Variants in CACNA1C observed in about 807,000 individuals in gnomAD.
The protein encoded by CACNA1C is calcium voltage-gated channel subunit alpha1 C.
A neutral mutation model predicts 229.0 loss-of-function variants in CACNA1C; 30 were observed. That is an observed-to-expected ratio of 0.13 (90% CI 0.10 to 0.18). CACNA1C has a LOEUF of 0.18. CACNA1C is among the 10% of genes least tolerant of loss of function. The probability of loss-of-function intolerance (pLI) is 1.00; values close to 1 mark genes in which losing one functional copy is unlikely to be tolerated. For synonymous variants in CACNA1C, 1,114 were observed against 1,132.5 expected, an observed-to-expected ratio of 0.98 and a Z score of 0.33; for missense variants, 1,658 against 2,845.0, an observed-to-expected ratio of 0.58 and a Z score of 9.49.
intron 3 of CACNA1C, among the ~76,000 whole-genome samples, chr12:2,320,365 T>G (rs1223020678): frequency 6.6e-6 from 1 of 152,252 alleles, no homozygotes; most frequent in Non-Finnish European, 1.5e-5. Flanking sequence ...TGTATGCATA[T>G]TTTAGCAAAA....
At chr12:2,474,484 G>A (rs2099611233) in intron 5 of CACNA1C, among the ~76,000 whole-genome samples, 1 of 152,222 alleles carries the variant, frequency 6.6e-6, no homozygotes. Context: ...GCCAGGCGCA[G>A]TAGCTCACGC....
At chr12:2,234,232 G>A (rs2066444210) in intron 3 of CACNA1C, among the ~76,000 whole-genome samples, 1 of 152,110 alleles carries the variant, frequency 6.6e-6, no homozygotes, top group Admixed American at 6.6e-5. Flanking sequence ...TGCTGAGGCT[G>A]GTTCTCTGTT....
At chr12:2,457,442 C>T (rs1400493126) in intron 4 of CACNA1C, 125 bp from the exon 5 acceptor site, 10 of 971,694 alleles carry the variant, frequency 1.0e-5, no homozygotes, top group African/African-American at 9.9e-5. Context: ...ACACCCACAA[C>T]GCCCGCCCCT....
In CACNA1C at chr12:2,302,350, C is replaced by T. The variant is rs550876814; in HGVS notation, c.478-146626C>T. Among the ~76,000 whole-genome samples, 12 of 151,872 alleles carry T rather than the reference C, an allele frequency of 7.9e-5. No homozygotes were observed. The South Asian group carries it at 1.3e-3, about 16-fold the overall frequency. On this transcript the variant is annotated intron_variant, in intron 3 of 46. Coordinates refer to ENST00000399655, the MANE Select transcript of CACNA1C (RefSeq NM_000719.7). ...GCTGTGCCCCCTGCCACCCCCGCCG[C>T]CTCTGCTTGCTAGTGCCAGGCTGCC...
At chr12:2,540,283 G>A (rs1003599845) in intron 9 of CACNA1C, among the ~76,000 whole-genome samples, 1 of 152,054 alleles carries the variant, frequency 6.6e-6, no homozygotes, top group Admixed American at 6.5e-5. Flanking sequence ...ATGATGATAT[G>A]AAGTGTTATT....
chr12:2,630,697 C>G lies in CACNA1C; in HGVS notation c.3829-3600C>G, dbSNP rs2089985391. ...TTGTGCCCAGACATGTACCCTCACC[C>G]ACTGCATTCCAGCTCTGTGGAAATC... On this transcript the variant is annotated intron_variant, in intron 29 of 46. Transcript: ENST00000399655. The surrounding 1 kb of genome is among the most constrained non-coding windows in gnomAD (Gnocchi z 5.4). Among the ~76,000 whole-genome samples, 5 of 152,228 alleles carry G rather than the reference C, an allele frequency of 3.3e-5. No homozygotes were observed.
intron 31 of CACNA1C, among the ~76,000 whole-genome samples, chr12:2,650,835 G>A (rs1603338087): frequency 6.6e-6 from 1 of 152,232 alleles, no homozygotes; most frequent in South Asian, 2.1e-4. Flanking sequence ...ATCTGCAGAA[G>A]CCTCACTTGC....
intron 3 of CACNA1C, among the ~76,000 whole-genome samples, chr12:2,219,987 T>C (rs1419821808): frequency 6.6e-6 from 1 of 152,192 alleles, no homozygotes; most frequent in Non-Finnish European, 1.5e-5. Flanking sequence ...GAACCCAAGC[T>C]GCTTTCCATG....
At chr12:2,545,404 G>C (rs772341151) in intron 9 of CACNA1C, among the ~76,000 whole-genome samples, 21 of 151,978 alleles carry the variant, frequency 1.4e-4, no homozygotes, top group Non-Finnish European at 1.8e-4. Flanking sequence ...CCCATGGCCT[G>C]CCATTATGCT....
In CACNA1C at chr12:2,182,131, CAAAA is replaced by C. The variant is rs56365126; in HGVS notation, c.477+61722_477+61725del. ...GAGATTGTGTGTGAGTTTCTGTCTG[CAAAA>C]AAAAAAAAAAAAAAAAAAAATGACG... On this transcript the variant is annotated intron_variant, in intron 3 of 46. Transcript: ENST00000399655. Among the ~76,000 whole-genome samples the C allele has an allele frequency of 9.7e-4, 84 of 86,680 alleles. No homozygotes were observed. In the South Asian group the frequency reaches 0.015, roughly 16 times the overall value. The allele number at this position is 86,680 out of a possible 152,430, so 56.9% of individuals were successfully genotyped here.
At chr12:2,505,283 A>G (rs1216521671) in intron 8 of CACNA1C, among the ~76,000 whole-genome samples, 3 of 152,076 alleles carry the variant, frequency 2.0e-5, no homozygotes, top group South Asian at 2.1e-4. Context: ...CTGGTTTAAA[A>G]CATAAACAAA....
intron 39 of CACNA1C, among the ~76,000 whole-genome samples, chr12:2,675,483 A>ATACT (rs1052577332): frequency 9.9e-5 from 15 of 152,240 alleles, no homozygotes; most frequent in Admixed American, 7.8e-4. Flanking sequence ...ACACACACAC[A>ATACT]TACTTACACA....
chr12:2,288,995 G>C (rs549785936), intron 3 of CACNA1C: 1 of 152,164 alleles, frequency 6.6e-6, no homozygotes, highest in South Asian at 2.1e-4. Context: ...GGGTTAAGAG[G>C]GTTCTCTCGT....
intron 5 of CACNA1C, among the ~76,000 whole-genome samples, chr12:2,478,012 G>C (rs997100468): frequency 9.2e-5 from 14 of 152,034 alleles, no homozygotes; most frequent in Non-Finnish European, 1.3e-4. Context: ...TGTACTTAGT[G>C]GTGACTATTG....
intron 1 of CACNA1C, among the ~76,000 whole-genome samples, chr12:1,976,383 T>C (rs2034366952): frequency 6.6e-6 from 1 of 152,200 alleles, no homozygotes; most frequent in Non-Finnish European, 1.5e-5. Flanking sequence ...TCTTTCTTTC[T>C]CATTAAATGC....
At chr12:2,038,768 T>G (rs1459292607) in intron 1 of CACNA1C, among the ~76,000 whole-genome samples, 2 of 152,226 alleles carry the variant, frequency 1.3e-5, no homozygotes, top group African/African-American at 4.8e-5. Flanking sequence ...CTGGCTTACA[T>G]GGTATTTCTC....
At chr12:2,453,080 G>A (rs374606550) in intron 4 of CACNA1C, among the ~76,000 whole-genome samples, 17 of 152,186 alleles carry the variant, frequency 1.1e-4, no homozygotes, top group Admixed American at 2.6e-4. Context: ...AACTTCGTTC[G>A]GCTGCAGAAC....
At chr12:2,320,713 C>G (rs1201298121) in intron 3 of CACNA1C, among the ~76,000 whole-genome samples, 2 of 152,240 alleles carry the variant, frequency 1.3e-5, no homozygotes, top group African/African-American at 4.8e-5. Context: ...CTCCCTTTCT[C>G]TGTGACCCAT....
intron 1 of CACNA1C, among the ~76,000 whole-genome samples, chr12:2,035,987 C>G (rs981833801): frequency 2.0e-5 from 3 of 152,088 alleles, no homozygotes; most frequent in Non-Finnish European, 4.4e-5. Context: ...GCTAATTTTG[C>G]GGTCTTGTGA....
Sources: gnomAD v4.1 joint callset for allele counts (sites outside exome capture counted in the v4.1 genomes callset) on GRCh38, gnomAD v4.1.1 for gene constraint, Gnocchi (gnomAD v3.1) non-coding constraint, MANE v1.5 for transcripts, NCBI Gene and HGNC (gene_info 2026-07-23, HGNC 2026-07-21) for gene names.